The following ERBB4 variants were observed in gnomAD, a reference collection of about 807,000 sequenced individuals.
The protein encoded by ERBB4 is receptor tyrosine-protein kinase erbB-4.
ERBB4 carries 42 observed loss-of-function variants against 158.0 expected under a neutral mutation model. The observed-to-expected ratio is 0.27, with a 90% CI of 0.21 to 0.34. The LOEUF (loss-of-function observed/expected upper bound fraction) is 0.34. Among genes scored for constraint, ERBB4 ranks in the 10% least tolerant of loss-of-function variants. The probability of loss-of-function intolerance (pLI) is 1.00; values close to 1 mark genes in which losing one functional copy is unlikely to be tolerated. For synonymous variants in ERBB4, 583 were observed against 558.7 expected (o/e 1.04, Z -0.61); for missense variants, 1,333 against 1,624.1 (o/e 0.82, Z 3.08).
chr2:212,479,512 G>A (rs149858955), intron 1 of ERBB4, among the ~76,000 whole-genome samples: 1 of 152,100 alleles, frequency 6.6e-6, no homozygotes, highest in Admixed American at 6.6e-5. Context: ...TGTGCGCCGA[G>A]CACTACGCTT....
chr2:211,432,646 A>G (rs565579785), intron 20 of ERBB4, among the ~76,000 whole-genome samples: 2 of 151,818 alleles, frequency 1.3e-5, no homozygotes, highest in African/African-American at 4.9e-5. Flanking sequence ...CCTTGGAGAT[A>G]GAATATTTTC....
At chr2:211,898,468 GA>G (rs1193708398) in intron 3 of ERBB4, among the ~76,000 whole-genome samples, 1 of 152,078 alleles carries the variant, frequency 6.6e-6, no homozygotes, top group Non-Finnish European at 1.5e-5. Context: ...TATACATTAT[GA>G]ATGTAAGGTT....
At chr2:212,004,310 G>A (rs1207491966) in intron 2 of ERBB4, among the ~76,000 whole-genome samples, 1 of 152,084 alleles carries the variant, frequency 6.6e-6, no homozygotes, top group Non-Finnish European at 1.5e-5. Flanking sequence ...AGCCTATTTG[G>A]AAATAAACTA....
At chr2:212,062,949 T>C (rs1477781384) in intron 2 of ERBB4, among the ~76,000 whole-genome samples, 2 of 152,148 alleles carry the variant, frequency 1.3e-5, no homozygotes, top group Non-Finnish European at 2.9e-5. Context: ...CAAAAAAGGA[T>C]TGTAGTACCT....
At chr2:211,618,513 TA>T (rs964050061) in intron 19 of ERBB4, among the ~76,000 whole-genome samples, 2 of 151,076 alleles carry the variant, frequency 1.3e-5, no homozygotes, top group Admixed American at 6.6e-5. Context: ...TCCAGCCTTA[TA>T]AAAAAAAAGT....
chr2:211,526,120 T>C (rs987532091), intron 20 of ERBB4, among the ~76,000 whole-genome samples: 2 of 151,958 alleles, frequency 1.3e-5, no homozygotes, highest in Admixed American at 6.5e-5. Flanking sequence ...AACAAGGTAA[T>C]AGTTTCAGTG....
At chr2:211,390,500 A>C (rs1197760146) in intron 25 of ERBB4, among the ~76,000 whole-genome samples, 1 of 152,334 alleles carries the variant, frequency 6.6e-6, no homozygotes, top group East Asian at 1.9e-4. Context: ...ATGAGTATTG[A>C]TTGCACATTT....
chr2:211,751,453 A>T (rs1241086825), intron 4 of ERBB4, among the ~76,000 whole-genome samples: 2 of 152,144 alleles, frequency 1.3e-5, no homozygotes, highest in Non-Finnish European at 2.9e-5. Context: ...AATTTCATAG[A>T]TTCACTCTAA....
intron 20 of ERBB4, among the ~76,000 whole-genome samples, chr2:211,505,648 C>T (rs2065726782): frequency 6.6e-6 from 1 of 152,046 alleles, no homozygotes; most frequent in Non-Finnish European, 1.5e-5. Flanking sequence ...TGTAAACAGC[C>T]TAAATGCTTC....
At chr2:211,900,482 A>G (rs557018593) in intron 3 of ERBB4, among the ~76,000 whole-genome samples, 1 of 152,022 alleles carries the variant, frequency 6.6e-6, no homozygotes, top group Admixed American at 6.6e-5. Context: ...CAAACCTAGA[A>G]AAAAAAAGGT....
intron 3 of ERBB4, among the ~76,000 whole-genome samples, chr2:211,941,622 T>C (rs765268579): frequency 6.6e-6 from 1 of 151,758 alleles, no homozygotes; most frequent in African/African-American, 2.4e-5. Context: ...GCACTCTTCC[T>C]GAGAGTAGAC....
At chr2:212,358,157 A>AT (rs1188132302) in intron 1 of ERBB4, among the ~76,000 whole-genome samples, 2 of 151,968 alleles carry the variant, frequency 1.3e-5, no homozygotes, top group South Asian at 2.1e-4. Flanking sequence ...ACATGAATAC[A>AT]TTTTTTTAAA....
At chr2:211,783,597 A>C (rs1469082321) in intron 4 of ERBB4, among the ~76,000 whole-genome samples, 3 of 152,194 alleles carry the variant, frequency 2.0e-5, no homozygotes, top group Non-Finnish European at 4.4e-5. Flanking sequence ...AATTTTGTCA[A>C]AGGCCTTTTC....
intron 3 of ERBB4, among the ~76,000 whole-genome samples, chr2:211,851,086 G>A (rs1191482157): frequency 1.3e-5 from 2 of 151,802 alleles, no homozygotes; most frequent in Non-Finnish European, 2.9e-5. Flanking sequence ...GAACTAACCA[G>A]CCTGCAATAA....
intron 1 of ERBB4, among the ~76,000 whole-genome samples, chr2:212,373,220 T>G (rs184206340): frequency 9.9e-4 from 150 of 152,246 alleles, no homozygotes; most frequent in African/African-American, 3.4e-3. Flanking sequence ...ATCCACATTT[T>G]AGAGATTAGG....
intron 15 of ERBB4, among the ~76,000 whole-genome samples, chr2:211,660,279 C>A (rs565765521): frequency 1.3e-5 from 2 of 152,144 alleles, no homozygotes; most frequent in Non-Finnish European, 1.5e-5. Flanking sequence ...GCAGCCAGGC[C>A]GACTCATTTG....
At chr2:212,371,878 A>C (rs958016128) in intron 1 of ERBB4, among the ~76,000 whole-genome samples, 12 of 152,228 alleles carry the variant, frequency 7.9e-5, no homozygotes, top group African/African-American at 2.9e-4. Context: ...TACATAGGCG[A>C]GAACTTGGTT....
chr2:212,226,410 TG>T (rs138561912), intron 1 of ERBB4, among the ~76,000 whole-genome samples: 23 of 149,658 alleles, frequency 1.5e-4, no homozygotes, highest in South Asian at 4.2e-4. Flanking sequence ...AGTAAAGACA[TG>T]GGGGGGGGTT....
intron 20 of ERBB4, among the ~76,000 whole-genome samples, chr2:211,437,298 A>T (rs2125445408): frequency 6.6e-6 from 1 of 152,366 alleles, no homozygotes; most frequent in Non-Finnish European, 1.5e-5. Flanking sequence ...AGAAAGTCAA[A>T]TTGTATGCTT....
Sources: allele counts gnomAD v4.1 joint callset (sites outside exome capture counted in the v4.1 genomes callset), GRCh38; gene constraint gnomAD v4.1.1; transcripts MANE v1.5; gene names NCBI Gene and HGNC (gene_info 2026-07-23, HGNC 2026-07-21).